The following SEC24D variants were observed in gnomAD, a reference collection of about 807,000 sequenced individuals.
The protein encoded by SEC24D is SEC24 homolog D, COPII component.
SEC24D carries 69 observed loss-of-function variants against 116.9 expected under a neutral mutation model. That is an observed-to-expected ratio of 0.59 (90% confidence interval 0.49 to 0.72). The LOEUF (loss-of-function observed/expected upper bound fraction) is 0.72. Among genes scored for constraint, SEC24D ranks in the 30% least tolerant of loss-of-function variants. The probability of loss-of-function intolerance (pLI) is 0.00; values close to 1 mark genes in which losing one functional copy is unlikely to be tolerated. For missense variants in SEC24D, 1,131 were observed against 1,264.1 expected (o/e 0.89, Z 1.60); for synonymous variants, 405 against 442.8 (o/e 0.91, Z 1.07).
At position 118,815,680 on chromosome 4, in the gene SEC24D, T is replaced by A. The variant is rs775210930; in HGVS notation, c.444A>T (p.Ser148=). Residue 148 remains serine (S), a synonymous_variant, in exon 5 of 23, where the codon TCA becomes TCT. Coordinates refer to ENST00000280551, the MANE Select transcript of SEC24D (RefSeq NM_014822.4). ...PPSQGPPGPL[S]ATSLQTPPRP... ...GTGGAGGAGTCTGCAATGATGTGGC[T>A]GACAGAGGGCCAGGGGGTCCCTGGC... 3.7e-6 allele frequency: 6 copies of A among 1,614,010 alleles called. No individual in the cohort carries two copies. Among genetic ancestry groups the A allele is most frequent in the African/African-American group, 2.7e-5 (2 of 74,924 alleles).
chr4:118,759,202 T>C (rs1264286034), intron 10 of SEC24D, among the ~76,000 whole-genome samples: 1 of 152,182 alleles, frequency 6.6e-6, no homozygotes, highest in Non-Finnish European at 1.5e-5. Flanking sequence ...CTAAATCACA[T>C]TCTCTTCCCA....
At chr4:118,723,770 A>T (rs1341920683) in intron 22 of SEC24D, 115 bp from the exon 23 acceptor site, 2 of 1,124,890 alleles carry the variant, frequency 1.8e-6, no homozygotes, top group Non-Finnish European at 2.5e-6. Context: ...ATTATGTGTG[A>T]GGCTATGGAG....
chr4:118,821,681 A>C (rs1200040369), intron 3 of SEC24D, among the ~76,000 whole-genome samples: 2 of 152,254 alleles, frequency 1.3e-5, no homozygotes, highest in Non-Finnish European at 2.9e-5. Flanking sequence ...CAAATGACAC[A>C]GATAAAATGC....
At chr4:118,811,876 G>C (rs1251898329) in intron 6 of SEC24D, among the ~76,000 whole-genome samples, 1 of 152,164 alleles carries the variant, frequency 6.6e-6, no homozygotes, top group Non-Finnish European at 1.5e-5. Context: ...TATAGAATAA[G>C]TGACAGATTA....
intron 21 of SEC24D, chr4:118,730,705 T>A (rs974463529): frequency 6.6e-6 from 1 of 152,394 alleles, no homozygotes; most frequent in Non-Finnish European, 1.5e-5. Context: ...TTTAAAATAG[T>A]CATTTGTATT....
intron 7 of SEC24D, among the ~76,000 whole-genome samples, chr4:118,804,882 G>GCACACACACACACA (rs1560728511): frequency 1.1e-5 from 1 of 90,176 alleles, no homozygotes. Context: ...GTGTATGCAT[G>GCACACACACACACA]CATACACACA....
chr4:118,798,794 G>C (rs188950576), intron 7 of SEC24D, among the ~76,000 whole-genome samples: 1 of 152,324 alleles, frequency 6.6e-6, no homozygotes, highest in Non-Finnish European at 1.5e-5. Context: ...TGAGCAAAGA[G>C]TCATAGGAGG....
At chr4:118,781,296 T>C (rs561433174) in intron 8 of SEC24D, among the ~76,000 whole-genome samples, 50 of 152,226 alleles carry the variant, frequency 3.3e-4, no homozygotes, top group African/African-American at 1.2e-3. Context: ...GTGACAAAAT[T>C]TCTCAGCATT....
At chr4:118,795,693 T>A (rs540527673) in intron 8 of SEC24D, among the ~76,000 whole-genome samples, 9 of 152,156 alleles carry the variant, frequency 5.9e-5, no homozygotes, top group Non-Finnish European at 1.0e-4. Flanking sequence ...TTACATGAAG[T>A]CCTAGAATAG....
chr4:118,791,843 TG>T (rs1264332620), intron 8 of SEC24D, among the ~76,000 whole-genome samples: 6 of 152,192 alleles, frequency 3.9e-5, no homozygotes, highest in Non-Finnish European at 7.4e-5. Context: ...TTGCCCAGGC[TG>T]GAGTGCAGTG....
intron 8 of SEC24D, among the ~76,000 whole-genome samples, chr4:118,777,341 C>A (rs922137843): frequency 3.3e-5 from 5 of 152,110 alleles, no homozygotes; most frequent in Non-Finnish European, 7.4e-5. Flanking sequence ...GTTCAATTCC[C>A]AACTATGAAT....
At chr4:118,736,750 C>T (rs1302336090) in intron 19 of SEC24D, among the ~76,000 whole-genome samples, 1 of 152,160 alleles carries the variant, frequency 6.6e-6, no homozygotes, top group African/African-American at 2.4e-5. Flanking sequence ...GAAAGGCACA[C>T]TTGAAAAGTG....
intron 8 of SEC24D, among the ~76,000 whole-genome samples, chr4:118,775,246 AG>A (rs1398585241): frequency 6.6e-6 from 1 of 151,176 alleles, no homozygotes; most frequent in Non-Finnish European, 1.5e-5. Context: ...TACCTGAGAC[AG>A]GGGTCGGTCA....
chr4:118,833,319 G>C, intron 2 of SEC24D: 1 of 321,058 alleles, frequency 3.1e-6, no homozygotes, highest in Non-Finnish European at 5.6e-6. Context: ...TTAACAGCAA[G>C]AACAAGACTC....
intron 2 of SEC24D, among the ~76,000 whole-genome samples, chr4:118,831,559 A>T (rs1578485869): frequency 6.6e-6 from 1 of 152,098 alleles, no homozygotes; most frequent in South Asian, 2.1e-4. Flanking sequence ...ACAGCTTTGA[A>T]TATGGCCCAA....
chr4:118,823,859 G>C (rs1276212020), intron 3 of SEC24D, among the ~76,000 whole-genome samples: 1 of 151,984 alleles, frequency 6.6e-6, no homozygotes, highest in East Asian at 1.9e-4. Flanking sequence ...TGGCATCTGT[G>C]TGCCTTCCAC....
Position 118,792,683 on chromosome 4 carries a change from T to C in SEC24D, c.1041+5000A>G, listed in dbSNP as rs147589833. On this transcript the variant is annotated intron_variant, in intron 8 of 22. Coordinates refer to ENST00000280551, the MANE Select transcript of SEC24D (RefSeq NM_014822.4). ...AAGATGTGCTTTGTTAAACAGATGC[T>C]TGAAGGCAGCATACTCATTAAGAGT... 9.7e-3 allele frequency among the ~76,000 whole-genome samples: 1,475 copies of C among 152,298 alleles called. 26 individuals are homozygous for C. Among genetic ancestry groups the C allele is most frequent in the African/African-American group, 0.033 (1,365 of 41,568 alleles).
At chr4:118,753,908 G>C (rs948423254) in intron 11 of SEC24D, 3 of 152,130 alleles carry the variant, frequency 2.0e-5, no homozygotes, top group Non-Finnish European at 4.4e-5. Flanking sequence ...AAAGGAACCT[G>C]GTTTGCCCAG....
rs148390890 is a variant in SEC24D, at chr4:118,738,341, G to A, written c.2416C>T (p.Arg806Trp). The A allele has an allele frequency of 1.6e-4, 260 of 1,613,320 alleles. No individual in the cohort carries two copies. In the East Asian group the frequency reaches 3.8e-3, roughly 23 times the overall value. ...AVLHQPLKVIREILVNQTAHM... is the reference protein window; with the variant it reads ...AVLHQPLKVIWEILVNQTAHM... ...GCAGTCTGATTAACTAGAATTTCCC[G>A]GATGACCTTCAAAGGCTGGTGGAGA... Residue 806 changes from arginine to tryptophan, a missense_variant, in exon 19 of 23, where the codon CGG becomes TGG. By Grantham distance (101) the Arg-to-Trp change is moderately radical. Transcript: ENST00000280551.
Sources: allele counts gnomAD v4.1 joint callset (sites outside exome capture counted in the v4.1 genomes callset), GRCh38; gene constraint gnomAD v4.1.1; transcripts MANE v1.5; gene names NCBI Gene and HGNC (gene_info 2026-07-23, HGNC 2026-07-21).